WNK2: variants seen among roughly 807,000 people sequenced by gnomAD.
WNK2 encodes WNK lysine deficient protein kinase 2.
In WNK2, 67 loss-of-function variants were observed where a neutral mutation model predicts 192.1. The ratio of observed to expected loss-of-function variants is 0.35; its 90% CI spans 0.29 to 0.43. The LOEUF (loss-of-function observed/expected upper bound fraction) is 0.43, where lower values mean the gene tolerates loss of function less well. Ranked by LOEUF, WNK2 falls within the 20% of genes least tolerant of loss-of-function variation. The pLI, the probability that WNK2 is intolerant of heterozygous loss-of-function variation, is 1.00. For synonymous variants in WNK2, 1,439 were observed against 1,393.9 expected (o/e 1.03, Z -0.72); for missense variants, 2,698 against 3,089.7 (o/e 0.87, Z 3.01).
intron 2 of WNK2, among the ~76,000 whole-genome samples, chr9:93,217,303 A>C (rs1290210811): frequency 1.1e-4 from 17 of 152,208 alleles, no homozygotes; most frequent in African/African-American, 3.9e-4. Context: ...CGTACTGTGC[A>C]CTTACAGAAC....
intron 5 of WNK2, 125 bp from the exon 6 acceptor site, chr9:93,238,108 T>C: frequency 1.3e-6 from 1 of 760,992 alleles, no homozygotes. Flanking sequence ...TTCTAGTAGT[T>C]TGTGCAGGTT....
chr9:93,221,422 C>T (rs1051489769), intron 2 of WNK2, among the ~76,000 whole-genome samples: 10 of 152,190 alleles, frequency 6.6e-5, no homozygotes, highest in Non-Finnish European at 1.2e-4. Context: ...CAGACTCTCT[C>T]CACCCGTCTA....
At chr9:93,275,178 A>G (rs1476933594) in intron 19 of WNK2, among the ~76,000 whole-genome samples, 2 of 152,260 alleles carry the variant, frequency 1.3e-5, no homozygotes, top group Admixed American at 1.3e-4. Flanking sequence ...CAGTTGACAC[A>G]GCAGAATCAG....
chr9:93,275,274 T>C (rs1176692669), intron 19 of WNK2, among the ~76,000 whole-genome samples: 3 of 152,108 alleles, frequency 2.0e-5, no homozygotes, highest in Non-Finnish European at 2.9e-5. Flanking sequence ...TGTAGCTACT[T>C]GGGAGGCTGA....
intron 29 of WNK2, chr9:93,319,340 A>C: frequency 7.2e-7 from 1 of 1,392,394 alleles, no homozygotes; most frequent in Non-Finnish European, 9.3e-7. Context: ...GAGGGTGCTG[A>C]GGGGCTGCGG....
intron 5 of WNK2, among the ~76,000 whole-genome samples, chr9:93,237,622 T>TG (rs1448374182): frequency 6.6e-6 from 1 of 152,252 alleles, no homozygotes; most frequent in East Asian, 1.9e-4. Flanking sequence ...TTCTGTTGGC[T>TG]GGCTTTTCTG....
rs185753801 is a variant in WNK2 at position 93,301,905 on chromosome 9, G to C, written c.6214+1756G>C. Among the ~76,000 whole-genome samples, 8 of 152,300 alleles carry C rather than the reference G, an allele frequency of 5.3e-5. No individual in the cohort carries two copies. In the East Asian group the frequency reaches 1.5e-3, roughly 29 times the overall value. On this transcript the variant is annotated intron_variant, in intron 26 of 29. Coordinates refer to ENST00000427277, the MANE Select transcript of WNK2 (RefSeq NM_006648.4). ...TTTTTGGGCCATAATGTCTCCCCCAGTTCCCCCACACTCTGAAGTTGCTGG... is the reference window on the plus strand; with the variant it reads ...TTTTTGGGCCATAATGTCTCCCCCACTTCCCCCACACTCTGAAGTTGCTGG...
chr9:93,264,882 T>G (rs537477992), intron 16 of WNK2, among the ~76,000 whole-genome samples: 69 of 152,310 alleles, frequency 4.5e-4, no homozygotes, highest in African/African-American at 1.6e-3. Flanking sequence ...ATATCATAGA[T>G]TGCCCCACGT....
chr9:93,184,479 G>C (rs891286962), intron 1 of WNK2, among the ~76,000 whole-genome samples, 94 bp downstream of exon 1: 1 of 150,778 alleles, frequency 6.6e-6, no homozygotes, highest in Non-Finnish European at 1.5e-5. Context: ...CCCGCGCCCC[G>C]GGCCCGCGTC....
intron 2 of WNK2, among the ~76,000 whole-genome samples, chr9:93,209,019 CT>C (rs1293025546): frequency 6.6e-6 from 1 of 152,178 alleles, no homozygotes; most frequent in Non-Finnish European, 1.5e-5. Flanking sequence ...TGAGATTTTC[CT>C]TTATGATCGG....
chr9:93,285,052 A>T (rs1848255132), intron 19 of WNK2, among the ~76,000 whole-genome samples: 1 of 152,240 alleles, frequency 6.6e-6, no homozygotes, highest in South Asian at 2.1e-4. Context: ...ATAAAAGGTA[A>T]TATTCCTTTT....
Position 93,263,862 on chromosome 9 carries a change from T to C in WNK2, c.3580-55T>C, listed in dbSNP as rs566354698. 9.5e-6 allele frequency: 11 copies of C among 1,152,234 alleles called. No homozygotes were observed. In the East Asian group the frequency reaches 3.3e-4, roughly 34 times the overall value. The allele number at this position is 1,152,234 out of a possible 1,614,324, so 71.4% of individuals were successfully genotyped here. ...GGGTACTTGGGGGTGTGTGGGGGTG[T>C]GGCGGGTGCACGTGTGGGTACGCCC... On this transcript the variant is annotated intron_variant, in intron 15 of 29. Transcript: ENST00000427277.
At chr9:93,296,719 C>G (rs114732553) in intron 23 of WNK2, among the ~76,000 whole-genome samples, 2,214 of 88,008 alleles carry the variant, frequency 0.025, 85 homozygotes, top group East Asian at 0.056. Context: ...TCCTCCCTCT[C>G]TATCCTCCCC....
chr9:93,293,930 GTC>G (rs1256990026), intron 23 of WNK2, among the ~76,000 whole-genome samples: 1 of 150,532 alleles, frequency 6.6e-6, no homozygotes, highest in Non-Finnish European at 1.5e-5. Context: ...TCCTTTCTTT[GTC>G]TCTGTCTCTG....
chr9:93,208,088 C>T lies in WNK2; in HGVS notation c.682-21608C>T, dbSNP rs140195092. Among the ~76,000 whole-genome samples, 819 of 152,294 alleles carry T rather than the reference C, an allele frequency of 5.4e-3. 7 individuals carry two copies. Among genetic ancestry groups the T allele is most frequent in the African/African-American group, 0.019 (769 of 41,564 alleles). ...GCTATTATAAATAATGCTGCAGTGA[C>T]GATTCCCAGACAGAACACACAAACA... On this transcript the variant is annotated intron_variant, in intron 2 of 29. Coordinates refer to ENST00000427277, the MANE Select transcript of WNK2 (RefSeq NM_006648.4).
intron 19 of WNK2, 112 bp downstream of exon 19, chr9:93,268,858 C>A (rs1281281214): frequency 5.7e-6 from 9 of 1,574,198 alleles, no homozygotes; most frequent in Non-Finnish European, 7.8e-6. Context: ...AGGGGGCTCA[C>A]CCTGCCCTGT....
At chr9:93,194,655 AT>A (rs1830910552) in intron 2 of WNK2, among the ~76,000 whole-genome samples, 1 of 152,246 alleles carries the variant, frequency 6.6e-6, no homozygotes, top group African/African-American at 2.4e-5. Context: ...GTAGTTTCTT[AT>A]AAAACTAAAC....
Position 93,259,091 on chromosome 9 carries a change from C to A in WNK2, c.2543C>A (p.Pro848His), listed in dbSNP as rs760150231. 1.2e-6 allele frequency: 2 copies of A among 1,613,138 alleles called. No individual in the cohort carries two copies. Among genetic ancestry groups the A allele is most frequent in the South Asian group, 2.2e-5 (2 of 91,082 alleles). The change falls in exon 12 of 30, where the codon CCC becomes CAC. Residue 848 changes from proline to histidine, a missense_variant. Pro to His is a moderately conservative substitution (Grantham distance 77, BLOSUM62 -2). This residue lies in a region of WNK2 where 893 missense variants were observed against 909.0 expected (regional missense o/e 0.98). Coordinates refer to ENST00000427277, the MANE Select transcript of WNK2 (RefSeq NM_006648.4). This position sits in a 1 kb window ranked among gnomAD's most constrained non-coding sequence, Gnocchi z 4.8. ...TTGCCGAGCCTCGCTGCCCCACTCC[C>A]CCCTGCGTCCCCAGCCTTGCCTCTG... ...VILPSLAAPL[P>H]PASPALPLQA...
At chr9:93,317,916 C>T (rs756549282) in intron 29 of WNK2, 8 of 1,598,248 alleles carry the variant, frequency 5.0e-6, no homozygotes, top group Admixed American at 1.7e-5. Context: ...TGTGGTTTGG[C>T]CTCCGAGTCC....
Sources: allele counts gnomAD v4.1 joint callset (sites outside exome capture counted in the v4.1 genomes callset), GRCh38; gene constraint gnomAD v4.1.1; regional missense constraint gnomAD v4.1.1; non-coding constraint Gnocchi (gnomAD v3.1); transcripts MANE v1.5; gene names NCBI Gene and HGNC (gene_info 2026-07-23, HGNC 2026-07-21).